ACO2: variants seen among roughly 807,000 people sequenced by gnomAD.
ACO2 encodes the protein aconitate hydratase, mitochondrial.
Under a neutral mutation model 84.5 loss-of-function variants are expected in ACO2, and 31 were observed. The observed-to-expected ratio is 0.37, with a 90% confidence interval of 0.28 to 0.50. The LOEUF (loss-of-function observed/expected upper bound fraction) is 0.50. ACO2 is among the 20% of genes least tolerant of loss of function. ACO2 has a pLI of 0.97. For synonymous variants in ACO2, 414 were observed against 412.7 expected (o/e 1.00, Z -0.04); for missense variants, 685 against 1,029.3 (o/e 0.67, Z 4.58).
chr22:41,512,057 G>T (rs2066437338), intron 4 of ACO2, 89 bp downstream of exon 4: 2 of 945,752 alleles, frequency 2.1e-6, no homozygotes, highest in East Asian at 6.0e-5. Flanking sequence ...GAGGCCCAGG[G>T]GGGCTGAGGG....
At chr22:41,506,084 TTTTG>T (rs966797150) in intron 2 of ACO2, among the ~76,000 whole-genome samples, 1 of 151,956 alleles carries the variant, frequency 6.6e-6, no homozygotes, top group Non-Finnish European at 1.5e-5. Flanking sequence ...TTTGTTTTTT[TTTTG>T]TTTGTTTGTT....
chr22:41,522,034 A>G (rs1376058183), intron 9 of ACO2, among the ~76,000 whole-genome samples: 1 of 152,142 alleles, frequency 6.6e-6, no homozygotes, highest in Non-Finnish European at 1.5e-5. Flanking sequence ...CGGCCTCTCA[A>G]AGTTGTGGGA....
intron 4 of ACO2, among the ~76,000 whole-genome samples, chr22:41,513,920 A>ATGTGGACCACAAGTGTCTACACCG (rs558555733): frequency 0.041 from 6,157 of 151,426 alleles, 192 homozygotes; most frequent in Non-Finnish European, 0.06. Context: ...CTCCCCCTGG[A>ATGTGGACCACAAGTGTCTACACCG]TGTGGACCAC....
In ACO2 at chr22:41,523,943, T is replaced by C. The variant is rs537435326; in HGVS notation, c.1482+2T>C. On this transcript the variant is annotated splice_donor_variant, in intron 12 of 17. Transcript: ENST00000216254. LOFTEE classifies it high-confidence loss of function. ...CATGCCTTTGTCACGTCCCCAGAGG[T>C]GAGACTGCCCAGCTGCGCACAAGCC... is the stretch of plus-strand genomic sequence containing the variant. The C allele has an allele frequency of 1.2e-6, 2 of 1,610,906 alleles. No individual in the cohort carries two copies. The highest frequency in any genetic ancestry group is 3.3e-5 in the Admixed American group (2 of 59,830).
In ACO2 at chr22:41,486,725, C is replaced by T. The variant is rs1776454305; in HGVS notation, c.37-13001C>T. ...GACGTTGTGATCCGCTCGCCTCGGC[C>T]TCCCAAAGTGCTGGGATTACAGGCG... On this transcript the variant is annotated intron_variant, in intron 1 of 17. Transcript: ENST00000216254. 2.6e-5 allele frequency among the ~76,000 whole-genome samples: 4 copies of T among 152,208 alleles called. No individual in the cohort carries two copies. The South Asian group carries it at 6.2e-4, about 24-fold the overall frequency.
intron 9 of ACO2, among the ~76,000 whole-genome samples, chr22:41,520,955 C>T (rs572352438): frequency 1.5e-3 from 225 of 149,010 alleles, no homozygotes; most frequent in African/African-American, 5.5e-3. Context: ...CTACAGTGAG[C>T]CGAGATGGTA....
At chr22:41,509,601 C>A (rs1305491340) in intron 3 of ACO2, among the ~76,000 whole-genome samples, 1 of 152,014 alleles carries the variant, frequency 6.6e-6, no homozygotes. Flanking sequence ...GAAGAACATG[C>A]TAGAAAGAAC....
intron 1 of ACO2, among the ~76,000 whole-genome samples, chr22:41,490,081 G>A (rs1257856981): frequency 1.3e-5 from 2 of 152,224 alleles, no homozygotes; most frequent in African/African-American, 4.8e-5. Flanking sequence ...CTAGCACTTT[G>A]GGAGGCCCAG....
chr22:41,490,397 G>A (rs1003346088), intron 1 of ACO2, among the ~76,000 whole-genome samples: 1 of 152,114 alleles, frequency 6.6e-6, no homozygotes, highest in South Asian at 2.1e-4. Flanking sequence ...CAATTCATTA[G>A]TACTAATTAT....
intron 4 of ACO2, among the ~76,000 whole-genome samples, chr22:41,513,952 C>T (rs1031453895): frequency 6.6e-6 from 1 of 152,124 alleles, no homozygotes; most frequent in Non-Finnish European, 1.5e-5. Context: ...CCGTGTGGAC[C>T]ACAAGTGTCT....
At chr22:41,528,047 G>A (rs769005202) in intron 17 of ACO2, 25 bp downstream of exon 17, 140 of 1,613,796 alleles carry the variant, frequency 8.7e-5, no homozygotes, top group Non-Finnish European at 1.2e-4. Flanking sequence ...TCCCCCTGAG[G>A]TGGTGGGGTG....
intron 1 of ACO2, among the ~76,000 whole-genome samples, chr22:41,493,786 C>T (rs1017706119): frequency 1.3e-5 from 2 of 152,156 alleles, no homozygotes; most frequent in Middle Eastern, 3.4e-3. Flanking sequence ...AGGCCAGGCG[C>T]GGTGGCTCAC....
At chr22:41,486,713 G>A (rs1468619294) in intron 1 of ACO2, among the ~76,000 whole-genome samples, 10 of 151,722 alleles carry the variant, frequency 6.6e-5, no homozygotes, top group South Asian at 2.1e-4. Flanking sequence ...GTTGTGATCC[G>A]CTCGCCTCGG....
intron 1 of ACO2, among the ~76,000 whole-genome samples, chr22:41,491,212 G>T (rs1483596523): frequency 6.6e-6 from 1 of 151,994 alleles, no homozygotes; most frequent in Non-Finnish European, 1.5e-5. Context: ...TTTAGAATGT[G>T]TTCTGGCCAA....
At chr22:41,513,982 G>A (rs1019422706) in intron 4 of ACO2, among the ~76,000 whole-genome samples, 41 of 142,644 alleles carry the variant, frequency 2.9e-4, no homozygotes, top group African/African-American at 9.1e-4. Context: ...AGACCACCCC[G>A]AATTCTGTGT....
In ACO2 at chr22:41,469,163, T is replaced by C. The variant is rs1276111280; in HGVS notation, c.17T>C (p.Leu6Pro). The change falls in exon 1 of 18, where the codon CTA becomes CCA. Residue 6 changes from leucine to proline, a missense_variant. Leu to Pro is a moderately conservative substitution (Grantham distance 98, BLOSUM62 -3). Around this residue, in one of 5 missense-constraint regions of ACO2, gnomAD observed 98 missense variants for 107.6 expected, o/e 0.91. Transcript: ENST00000216254. MAPYS[L>P]LVTRLQKALG... is the part of the protein sequence containing the mutation. ...GTGCACAAAATGGCGCCCTACAGCC[T>C]ACTGGTGACTCGGCTGCAGGTGAGC... The C allele has an allele frequency of 1.9e-6, 3 of 1,609,316 alleles. No homozygotes were observed. The highest frequency in any genetic ancestry group is 2.2e-5 in the South Asian group (2 of 90,524).
chr22:41,513,878 C>T (rs1490697589), intron 4 of ACO2, among the ~76,000 whole-genome samples: 2 of 152,362 alleles, frequency 1.3e-5, no homozygotes, highest in East Asian at 3.8e-4. Context: ...GTCATCGTGA[C>T]ATCTTCTGCA....
intron 1 of ACO2, among the ~76,000 whole-genome samples, chr22:41,490,778 C>T (rs570411940): frequency 6.6e-6 from 1 of 152,224 alleles, no homozygotes; most frequent in African/African-American, 2.4e-5. Context: ...ACTCAACCTG[C>T]TCTGTATTTT....
chr22:41,491,077 T>C (rs1028985465), intron 1 of ACO2, among the ~76,000 whole-genome samples: 3 of 151,640 alleles, frequency 2.0e-5, no homozygotes, highest in African/African-American at 7.3e-5. Context: ...GAAAGTGAAA[T>C]GTATTTGGAG....
Sources: gnomAD v4.1 joint callset for allele counts (sites outside exome capture counted in the v4.1 genomes callset) on GRCh38, gnomAD v4.1.1 for gene constraint, gnomAD v4.1.1 regional missense constraint, MANE v1.5 for transcripts, NCBI Gene and HGNC (gene_info 2026-07-23, HGNC 2026-07-21) for gene names.